The following HMGXB3 variants were observed in gnomAD, a reference collection of about 807,000 sequenced individuals.
HMGXB3 encodes the protein HMG-box containing 3.
HMGXB3 carries 45 observed loss-of-function variants against 121.5 expected under a neutral mutation model. The ratio of observed to expected loss-of-function variants is 0.37; its 90% CI spans 0.29 to 0.47. HMGXB3 has a LOEUF of 0.47. Among genes scored for constraint, HMGXB3 ranks in the 20% least tolerant of loss-of-function variants. HMGXB3 has a pLI of 0.99. For missense variants in HMGXB3, 1,376 were observed against 1,602.2 expected (o/e 0.86, Z 2.41); for synonymous variants, 590 against 624.1 (o/e 0.95, Z 0.81).
intron 18 of HMGXB3, among the ~76,000 whole-genome samples, chr5:150,049,413 C>CG (rs1420445180): frequency 1.3e-5 from 2 of 151,408 alleles, no homozygotes; most frequent in Non-Finnish European, 3.0e-5. Flanking sequence ...AACGGAAACC[C>CG]CCCCCCTTAA....
intron 9 of HMGXB3, among the ~76,000 whole-genome samples, chr5:150,028,900 A>G (rs918039436): frequency 6.6e-6 from 1 of 151,842 alleles, no homozygotes; most frequent in Non-Finnish European, 1.5e-5. Context: ...TATATTTTTA[A>G]AGCCCCTCCT....
chr5:150,012,551 G>A (rs1240061249), intron 5 of HMGXB3, among the ~76,000 whole-genome samples, 198 bp downstream of exon 5: 1 of 152,166 alleles, frequency 6.6e-6, no homozygotes, highest in Non-Finnish European at 1.5e-5. Flanking sequence ...TGGGGGTGAG[G>A]GGGTTGTAGA....
intron 11 of HMGXB3, among the ~76,000 whole-genome samples, chr5:150,034,193 T>C (rs946399324): frequency 2.3e-4 from 35 of 152,204 alleles, no homozygotes; most frequent in Non-Finnish European, 3.7e-4. Flanking sequence ...GGAAGTAAGC[T>C]TTCTTCCCGG....
Position 150,003,893 on chromosome 5 carries a change from G to A in HMGXB3, c.-2-958G>A, listed in dbSNP as rs74590479. On this transcript the variant is annotated intron_variant, in intron 1 of 19. Coordinates refer to ENST00000502717, the MANE Select transcript of HMGXB3 (RefSeq NM_014983.3). ...TTGCTGAGCCCAGGAGGTCAAGACT[G>A]TAGTGAGCCCAGAGTGTGCCACTGT... Among the ~76,000 whole-genome samples the A allele has an allele frequency of 9.0e-3, 1,364 of 152,232 alleles. 16 individuals are homozygous for A. Among genetic ancestry groups the A allele is most frequent in the Middle Eastern group, 0.027 (8 of 294 alleles).
At chr5:150,045,742 A>T in intron 16 of HMGXB3, 57 bp downstream of exon 16, 4 of 1,377,532 alleles carry the variant, frequency 2.9e-6, no homozygotes, top group South Asian at 2.5e-5. Flanking sequence ...AGAGTCTGGG[A>T]CATTGTCCAT....
At chr5:150,017,670 G>A (rs367793567) in intron 5 of HMGXB3, among the ~76,000 whole-genome samples, 2 of 152,204 alleles carry the variant, frequency 1.3e-5, no homozygotes, top group Admixed American at 1.3e-4. Context: ...GTAGCTAATG[G>A]TAGTTTGGTG....
Position 150,051,789 on chromosome 5 carries a change from C to G in HMGXB3, c.3476C>G (p.Ser1159Cys). 6 of 1,546,136 alleles carry G rather than the reference C, an allele frequency of 3.9e-6. No homozygotes were observed. The South Asian group carries it at 5.9e-5, about 15-fold the overall frequency. Residue 1159 changes from serine (S) to cysteine (C), a missense_variant, in exon 20 of 20, where the codon TCT (serine) becomes TGT (cysteine). Around this residue, in one of 2 missense-constraint regions of HMGXB3, gnomAD observed 260 missense variants for 233.2 expected, o/e 1.11. Transcript: ENST00000502717. Reference sequence around the variant, plus strand: ...GTGGACATGACAGAAACTGAGCACTCTATCCAGCACCCAGTCACCAAGACT... The same window carrying G: ...GTGGACATGACAGAAACTGAGCACTGTATCCAGCACCCAGTCACCAAGACT... ...YTVDMTETEHSIQHPVTKTAT... is the reference protein window; with the variant it reads ...YTVDMTETEHCIQHPVTKTAT...
chr5:150,036,316 G>A (rs147297172), intron 11 of HMGXB3, among the ~76,000 whole-genome samples: 405 of 152,128 alleles, frequency 2.7e-3, no homozygotes, highest in Non-Finnish European at 4.5e-3. Flanking sequence ...TACTGCTTGA[G>A]CATCCCTAAT....
rs1356226878 is a variant in HMGXB3 at position 150,008,055 on chromosome 5, T to TCTCACA, written c.312+1409_312+1410insTCACAC. Among the ~76,000 whole-genome samples, 440 of 130,104 alleles carry TCTCACA rather than the reference T, an allele frequency of 3.4e-3. 3 individuals carry two copies. Among genetic ancestry groups the TCTCACA allele is most frequent in the African/African-American group, 0.012 (408 of 33,134 alleles). The allele number at this position is 130,104 out of a possible 152,430, so 85.4% of individuals were successfully genotyped here. On this transcript the variant is annotated intron_variant, in intron 3 of 19. Transcript: ENST00000502717. ...CTGGGCAACAGAGTGAGACTCTGTT[T>TCTCACA]CACACACACACACACACACACACAC...
intron 1 of HMGXB3, among the ~76,000 whole-genome samples, chr5:150,002,662 G>T (rs995725857): frequency 1.3e-5 from 2 of 151,888 alleles, no homozygotes; most frequent in African/African-American, 2.4e-5. Flanking sequence ...TTAGAACTTG[G>T]CTACAAAAAA....
chr5:150,037,662 T>C, intron 13 of HMGXB3, 135 bp downstream of exon 13: 2 of 689,062 alleles, frequency 2.9e-6, no homozygotes, highest in Non-Finnish European at 2.1e-6. Flanking sequence ...GTCTTCTTCC[T>C]AAATGTCTTA....
chr5:150,020,320 G>A (rs1374799847), intron 6 of HMGXB3, among the ~76,000 whole-genome samples: 1 of 152,234 alleles, frequency 6.6e-6, no homozygotes, highest in South Asian at 2.1e-4. Flanking sequence ...GAAGCCATCA[G>A]TGTATTCACA....
intron 6 of HMGXB3, chr5:150,021,866 C>T (rs557764437): frequency 7.8e-6 from 4 of 510,982 alleles, no homozygotes; most frequent in Middle Eastern, 6.7e-4. Context: ...GATTTGAATT[C>T]GGTGAATTGC....
intron 6 of HMGXB3, among the ~76,000 whole-genome samples, chr5:150,023,120 C>T (rs1019521488): frequency 2.0e-5 from 3 of 151,564 alleles, no homozygotes; most frequent in Non-Finnish European, 2.9e-5. Context: ...TGAGCCATGA[C>T]GCCTGGCTGT....
intron 6 of HMGXB3, among the ~76,000 whole-genome samples, chr5:150,022,659 C>T (rs868822520): frequency 6.6e-6 from 1 of 152,088 alleles, no homozygotes; most frequent in Non-Finnish European, 1.5e-5. Context: ...GTTTAGTCTC[C>T]TGTTTTTCTG....
At position 150,010,672 on chromosome 5, in the gene HMGXB3, C is replaced by T. The variant is rs563782043; in HGVS notation, c.810+64C>T. The stretch of plus-strand genomic sequence containing the variant: ...GAGTTACTTAAAGGGCAGCTAGCAC[C>T]ATACAGTGTGATTCCAGAGCAGTGG... On this transcript the variant is annotated intron_variant, in intron 4 of 19. Transcript: ENST00000502717. The T allele has an allele frequency of 1.2e-3, 1,784 of 1,437,594 alleles. 34 individuals are homozygous for T. In the South Asian group the frequency reaches 0.021, roughly 17 times the overall value. 89.1% of individuals were successfully genotyped at this position (1,437,594 alleles called of 1,614,324 possible). A position where few individuals can be genotyped will look rare whatever the true frequency, so the allele number is the denominator to read the frequency against.
chr5:150,036,719 A>G lies in HMGXB3; in HGVS notation c.2067A>G (p.Thr689=), dbSNP rs1357124837. ...AGAGGGAGATCCAGCGCCAGTCCAC[A>G]CTGCAGCTGCTGCGCAAAGTCCTGC... ...TAQREIQRQS[T]LQLLRKVLQI... Residue 689 remains threonine, a synonymous_variant, in exon 12 of 20, where the codon ACA becomes ACG. Coordinates refer to ENST00000502717, the MANE Select transcript of HMGXB3 (RefSeq NM_014983.3). 1.3e-6 allele frequency: 2 copies of G among 1,551,488 alleles called. No individual in the cohort carries two copies. The highest frequency in any genetic ancestry group is 2.4e-5 in the East Asian group (1 of 40,916).
At chr5:150,039,144 C>G (rs115068068) in intron 13 of HMGXB3, among the ~76,000 whole-genome samples, 10 of 152,164 alleles carry the variant, frequency 6.6e-5, no homozygotes, top group African/African-American at 2.2e-4. Flanking sequence ...GGTGTGTCTC[C>G]GTATAAACTG....
chr5:150,013,572 G>A (rs1314625710), intron 5 of HMGXB3, among the ~76,000 whole-genome samples: 1 of 152,174 alleles, frequency 6.6e-6, no homozygotes, highest in Non-Finnish European at 1.5e-5. Context: ...AATGACTTGG[G>A]AAGTATTTTC....
Sources: allele counts gnomAD v4.1 joint callset (sites outside exome capture counted in the v4.1 genomes callset), GRCh38; gene constraint gnomAD v4.1.1; regional missense constraint gnomAD v4.1.1; transcripts MANE v1.5; gene names NCBI Gene and HGNC (gene_info 2026-07-23, HGNC 2026-07-21).